Variants in ATP11A observed in about 807,000 individuals in gnomAD.
ATP11A encodes the protein phospholipid-transporting ATPase IH.
A neutral mutation model predicts 154.4 loss-of-function variants in ATP11A; 81 were observed. The observed-to-expected ratio is 0.52, with a 90% CI of 0.44 to 0.63. ATP11A has a LOEUF of 0.63. Ranked by LOEUF, ATP11A falls within the 30% of genes least tolerant of loss-of-function variation. The pLI is 0.00. For synonymous variants in ATP11A, 623 were observed against 585.9 expected (o/e 1.06, Z -0.91); for missense variants, 1,316 against 1,474.3 (o/e 0.89, Z 1.76).
At chr13:112,735,080 A>ATGGATTTAGC (rs1466643602) in intron 1 of ATP11A, among the ~76,000 whole-genome samples, 4 of 152,196 alleles carry the variant, frequency 2.6e-5, no homozygotes, top group African/African-American at 7.2e-5. Context: ...GACGTCTGGG[A>ATGGATTTAGC]TGGATTTAGC....
At chr13:112,787,300 G>T (rs1414974276) in intron 2 of ATP11A, among the ~76,000 whole-genome samples, 1 of 91,348 alleles carries the variant, frequency 1.1e-5, no homozygotes, top group African/African-American at 6.0e-5. Context: ...AATTCACACC[G>T]GGTGTCCTGA....
chr13:112,795,419 T>C (rs1369868211), intron 2 of ATP11A, among the ~76,000 whole-genome samples: 1 of 150,628 alleles, frequency 6.6e-6, no homozygotes, highest in Non-Finnish European at 1.5e-5. Context: ...AGGAGCATTG[T>C]AAATCTCTGT....
At chr13:112,730,849 G>A (rs569234870) in intron 1 of ATP11A, among the ~76,000 whole-genome samples, 3 of 152,352 alleles carry the variant, frequency 2.0e-5, no homozygotes, top group African/African-American at 7.2e-5. Flanking sequence ...CCGCTGTGAC[G>A]GCAGCAGGTC....
At chr13:112,723,058 T>G (rs757656706) in intron 1 of ATP11A, among the ~76,000 whole-genome samples, 1 of 152,030 alleles carries the variant, frequency 6.6e-6, no homozygotes, top group Non-Finnish European at 1.5e-5. Flanking sequence ...CCTGTCAGAG[T>G]CAGCCACAGG....
chr13:112,859,934 C>G lies in ATP11A; in HGVS notation c.2728-353C>G, dbSNP rs2080052699. 2.6e-5 allele frequency among the ~76,000 whole-genome samples: 4 copies of G among 152,252 alleles called. No individual in the cohort carries two copies. Among genetic ancestry groups the G allele is most frequent in the African/African-American group, 9.6e-5 (4 of 41,468 alleles). ...GACACCTCCTTCTGTCACATGTGTG[C>G]TCAGTGGTTGGCGGGCCAGCTGCCT... On this transcript the variant is annotated intron_variant, in intron 23 of 29. Coordinates refer to ENST00000375645, the MANE Select transcript of ATP11A (RefSeq NM_015205.3). This position sits in a 1 kb window ranked among gnomAD's most constrained non-coding sequence, Gnocchi z 4.3.
At chr13:112,708,048 C>G (rs1040705399) in intron 1 of ATP11A, among the ~76,000 whole-genome samples, 1 of 152,218 alleles carries the variant, frequency 6.6e-6, no homozygotes, top group African/African-American at 2.4e-5. Flanking sequence ...CCGCACGTCA[C>G]GCAACCAACA....
At chr13:112,792,287 T>C (rs1289861115) in intron 2 of ATP11A, among the ~76,000 whole-genome samples, 1 of 152,172 alleles carries the variant, frequency 6.6e-6, no homozygotes, top group Non-Finnish European at 1.5e-5. Context: ...CTGGAATTGA[T>C]GACTCATAAT....
intron 12 of ATP11A, among the ~76,000 whole-genome samples, chr13:112,830,718 C>T (rs2079061600): frequency 6.6e-6 from 1 of 152,238 alleles, no homozygotes; most frequent in Non-Finnish European, 1.5e-5. Context: ...TGTGGACGCG[C>T]CCAAGCTCAG....
chr13:112,828,916 C>G (rs547477789), intron 12 of ATP11A, among the ~76,000 whole-genome samples: 1 of 152,210 alleles, frequency 6.6e-6, no homozygotes, highest in Admixed American at 6.5e-5. Context: ...GAAATAGATT[C>G]ACCCACCAGT....
intron 4 of ATP11A, 47 bp from the exon 5 acceptor site, chr13:112,810,572 C>T: frequency 6.7e-7 from 1 of 1,495,726 alleles, no homozygotes; most frequent in Non-Finnish European, 9.3e-7. Context: ...TCTCCTCCTT[C>T]CCTCTCTCCC....
Position 112,690,428 on chromosome 13 carries a change from C to T in ATP11A, c.12C>T (p.Ser4=), listed in dbSNP as rs746011801. The T allele has an allele frequency of 2.2e-6, 3 of 1,345,654 alleles. No homozygotes were observed. The highest frequency in any genetic ancestry group is 6.4e-5 in the Admixed American group (2 of 31,400). The allele number at this position is 1,345,654 out of a possible 1,614,324, so 83.4% of individuals were successfully genotyped here. The change falls in exon 1 of 30, where the codon AGC becomes AGT. Residue 4 remains serine, a synonymous_variant. Transcript: ENST00000375645. This position sits in a 1 kb window ranked among gnomAD's most constrained non-coding sequence, Gnocchi z 5.6. ...CGGCCGGAGGAGCCATGGACTGCAGCCTCGTGCGGACGCTCGTGCACAGAT... is the reference window on the plus strand; with the variant it reads ...CGGCCGGAGGAGCCATGGACTGCAGTCTCGTGCGGACGCTCGTGCACAGAT... MDC[S]LVRTLVHRYC...
rs577283919 is a variant in ATP11A at position 112,820,086 on chromosome 13, C to T, written c.725+136C>T. 69 of 818,700 alleles carry T rather than the reference C, an allele frequency of 8.4e-5. No homozygotes were observed. The East Asian group carries it at 1.2e-3, about 14-fold the overall frequency. 50.7% of individuals were successfully genotyped at this position (818,700 alleles called of 1,614,324 possible). A position where few individuals can be genotyped will look rare whatever the true frequency, so the allele number is the denominator to read the frequency against. ...GTGGAGTTCCGCTTTCCCACAGGGC[C>T]GGGCTCCACTCTCGTCTCTGGTTTG... On this transcript the variant is annotated intron_variant, in intron 8 of 29. Transcript: ENST00000375645.
rs375091975 is a variant in ATP11A, at chr13:112,703,733, C to CT, written c.39+13288dup. Among the ~76,000 whole-genome samples the CT allele has an allele frequency of 2.0e-3, 293 of 148,496 alleles. 2 individuals carry two copies. In the East Asian group the frequency reaches 0.02, roughly 10 times the overall value. On this transcript the variant is annotated intron_variant, in intron 1 of 29. Coordinates refer to ENST00000375645, the MANE Select transcript of ATP11A (RefSeq NM_015205.3). ...TCTGTGTATTTATGTCTTCTTTTTG[C>CT]TTTTTTTTTTCCCACTGGAGAAAGC...
chr13:112,807,060 C>T lies in ATP11A; in HGVS notation c.333+767C>T, dbSNP rs1206131393. On this transcript the variant is annotated intron_variant, in intron 4 of 29. Coordinates refer to ENST00000375645, the MANE Select transcript of ATP11A (RefSeq NM_015205.3). The surrounding 1 kb of genome is among the most constrained non-coding windows in gnomAD (Gnocchi z 4.5). ...TGTGGATGGACATTTGGGGTGTTTC[C>T]ACTCTTTGGCTGTTCTGAATAATGC... Among the ~76,000 whole-genome samples, 1 of 152,210 alleles carries T rather than the reference C, an allele frequency of 6.6e-6. No homozygotes were observed. Among genetic ancestry groups the T allele is most frequent in the Non-Finnish European group, 1.5e-5 (1 of 68,042 alleles).
chr13:112,778,761 G>A (rs1266672756), intron 1 of ATP11A, among the ~76,000 whole-genome samples: 2 of 143,930 alleles, frequency 1.4e-5, no homozygotes, highest in Non-Finnish European at 3.0e-5. Context: ...GTGAGGAGTA[G>A]CCGCTGGAGT....
At chr13:112,879,580 C>T (rs552560031) in intron 29 of ATP11A, among the ~76,000 whole-genome samples, 21 of 152,336 alleles carry the variant, frequency 1.4e-4, no homozygotes, top group Admixed American at 4.6e-4. Context: ...AGCCCGGCTG[C>T]GTAGAGACAG....
chr13:112,726,937 A>G (rs1015908656), intron 1 of ATP11A, among the ~76,000 whole-genome samples: 3 of 152,208 alleles, frequency 2.0e-5, no homozygotes, highest in African/African-American at 7.2e-5. Flanking sequence ...AACTGGGGAC[A>G]TTGCAAATTT....
intron 1 of ATP11A, among the ~76,000 whole-genome samples, chr13:112,695,416 C>G (rs1024101695): frequency 6.6e-6 from 1 of 152,224 alleles, no homozygotes; most frequent in Non-Finnish European, 1.5e-5. Flanking sequence ...CCTGGACATT[C>G]TAAAGCAGTC....
At chr13:112,699,685 G>T (rs388382) in intron 1 of ATP11A, among the ~76,000 whole-genome samples, 114,380 of 152,218 alleles carry the variant, frequency 0.75, 45,864 homozygotes, top group East Asian at 0.92. Context: ...TGATGTCATT[G>T]GTGGAGGCCG....
Sources: allele counts gnomAD v4.1 joint callset (sites outside exome capture counted in the v4.1 genomes callset), GRCh38; gene constraint gnomAD v4.1.1; non-coding constraint Gnocchi (gnomAD v3.1); transcripts MANE v1.5; gene names NCBI Gene and HGNC (gene_info 2026-07-23, HGNC 2026-07-21).